The following PDLIM5 variants were observed in gnomAD, a reference collection of about 807,000 sequenced individuals.
PDLIM5 encodes PDZ and LIM domain protein 5.
In PDLIM5, 34 loss-of-function variants were observed where a neutral mutation model predicts 64.2. The observed-to-expected ratio is 0.53, with a 90% CI of 0.40 to 0.71. PDLIM5 has a LOEUF of 0.71. PDLIM5 is among the 30% of genes least tolerant of loss of function. PDLIM5 has a pLI of 0.00. For synonymous variants in PDLIM5, 253 were observed against 269.1 expected, an observed-to-expected ratio of 0.94 and a Z score of 0.59; for missense variants, 683 against 733.6, an observed-to-expected ratio of 0.93 and a Z score of 0.80.
intron 2 of PDLIM5, among the ~76,000 whole-genome samples, chr4:94,506,676 G>A (rs1728423511): frequency 6.6e-6 from 1 of 152,168 alleles, no homozygotes; most frequent in South Asian, 2.1e-4. Context: ...TCAGAACATA[G>A]CATTCTGTCC....
chr4:94,519,023 C>G lies in PDLIM5; in HGVS notation c.97-4701C>G, dbSNP rs568587561. Among the ~76,000 whole-genome samples, 20 of 152,288 alleles carry G rather than the reference C, an allele frequency of 1.3e-4. No individual in the cohort carries two copies. In the East Asian group the frequency reaches 1.7e-3, roughly 13 times the overall value. The stretch of plus-strand genomic sequence containing the variant: ...AACTGTCCTGAGAAGTGACAAGAGG[C>G]CACCATTCTTTAGGAATCGATTTTG... On this transcript the variant is annotated intron_variant, in intron 2 of 12. Coordinates refer to ENST00000317968, the MANE Select transcript of PDLIM5 (RefSeq NM_006457.5).
In PDLIM5 at chr4:94,455,922, A is replaced by G. The variant is rs921809423; in HGVS notation, c.96+538A>G. 58 of 1,468,658 alleles carry G rather than the reference A, an allele frequency of 3.9e-5. 1 individual carries two copies. In the African/African-American group the frequency reaches 6.0e-4, roughly 15 times the overall value. 91.0% of individuals were successfully genotyped at this position (1,468,658 alleles called of 1,614,324 possible). A position where few individuals can be genotyped will look rare whatever the true frequency, so the allele number is the denominator to read the frequency against. On this transcript the variant is annotated intron_variant, in intron 2 of 12. Coordinates refer to ENST00000317968, the MANE Select transcript of PDLIM5 (RefSeq NM_006457.5). ...GGAGCTCCAACTAGATAGCCTATGA[A>G]TAATTGAGATTTGGCTTTTTACCTC...
In PDLIM5 at chr4:94,664,172, A is replaced by G. The variant is rs1326245611; in HGVS notation, c.*105A>G. 4.6e-6 allele frequency: 6 copies of G among 1,302,850 alleles called. No homozygotes were observed. Among genetic ancestry groups the G allele is most frequent in the Admixed American group, 3.3e-5 (1 of 30,440 alleles). The allele number at this position is 1,302,850 out of a possible 1,614,324, so 80.7% of individuals were successfully genotyped here. On this transcript the variant is annotated 3_prime_UTR_variant, in exon 13 of 13. Transcript: ENST00000317968. ...TATTTATATGGAGTTTTGAAAAATA[A>G]TAGTGGCCCTGAAGGAATAAATTCC... is the stretch of plus-strand genomic sequence containing the variant.
At chr4:94,534,627 A>C (rs1033596784) in intron 3 of PDLIM5, among the ~76,000 whole-genome samples, 131 of 152,240 alleles carry the variant, frequency 8.6e-4, no homozygotes, top group Non-Finnish European at 1.2e-3. Flanking sequence ...GCTTTGAAGA[A>C]TGAGGTTAAA....
In PDLIM5 at chr4:94,473,698, G is replaced by A. The variant is rs149417347; in HGVS notation, c.96+18314G>A. Among the ~76,000 whole-genome samples the A allele has an allele frequency of 6.0e-3, 908 of 152,290 alleles. 8 individuals are homozygous for A. Among genetic ancestry groups the A allele is most frequent in the African/African-American group, 0.02 (849 of 41,552 alleles). ...ATAGTGGGTGTTTTGTTTGTTTTTG[G>A]TAAGCAGTAAATATTTTCTCTCAAG... On this transcript the variant is annotated intron_variant, in intron 2 of 12. Coordinates refer to ENST00000317968, the MANE Select transcript of PDLIM5 (RefSeq NM_006457.5).
intron 2 of PDLIM5, among the ~76,000 whole-genome samples, chr4:94,495,382 G>C (rs1473596834): frequency 6.6e-6 from 1 of 152,048 alleles, no homozygotes; most frequent in African/African-American, 2.4e-5. Flanking sequence ...AAATTGTAAA[G>C]TATCCTGTTA....
chr4:94,612,502 A>G (rs1738453111), intron 7 of PDLIM5, among the ~76,000 whole-genome samples: 1 of 152,192 alleles, frequency 6.6e-6, no homozygotes, highest in African/African-American at 2.4e-5. Context: ...AGGACCCGGT[A>G]AGAGCTATAG....
chr4:94,665,393 A>G lies in PDLIM5; in HGVS notation c.*1326A>G. ...TGTACTTGGGAGGCTGAGGCAGGAAAATTCTTGAACCCAGGAGACGGAAGT... is the reference window on the plus strand; with the variant it reads ...TGTACTTGGGAGGCTGAGGCAGGAAGATTCTTGAACCCAGGAGACGGAAGT... On this transcript the variant is annotated 3_prime_UTR_variant, in exon 13 of 13. Transcript: ENST00000317968. 2.7e-6 allele frequency: 1 copy of G among 374,706 alleles called. No individual in the cohort carries two copies. Among genetic ancestry groups the G allele is most frequent in the Non-Finnish European group, 3.7e-6 (1 of 271,738 alleles). The allele number at this position is 374,706 out of a possible 1,614,324, so 23.2% of individuals were successfully genotyped here.
chr4:94,552,938 C>T (rs566939354), intron 3 of PDLIM5, among the ~76,000 whole-genome samples: 2 of 152,160 alleles, frequency 1.3e-5, no homozygotes, highest in South Asian at 4.1e-4. Context: ...ATTAGTGCAT[C>T]TGAAGCAGGA....
At chr4:94,600,552 C>G (rs1438328946) in intron 7 of PDLIM5, among the ~76,000 whole-genome samples, 1 of 152,166 alleles carries the variant, frequency 6.6e-6, no homozygotes, top group Non-Finnish European at 1.5e-5. Flanking sequence ...CTGAAAAATA[C>G]CTTTATTGTT....
chr4:94,566,551 T>G (rs539587319), intron 3 of PDLIM5, among the ~76,000 whole-genome samples: 3 of 152,316 alleles, frequency 2.0e-5, no homozygotes, highest in Non-Finnish European at 4.4e-5. Flanking sequence ...GTTACATACA[T>G]TACCTCATTG....
intron 5 of PDLIM5, chr4:94,584,511 C>G (rs1477323183): frequency 6.5e-6 from 1 of 153,148 alleles, no homozygotes; most frequent in Non-Finnish European, 1.5e-5. Flanking sequence ...TAGAGCCAAG[C>G]TTTAAATTCT....
At chr4:94,466,492 G>T (rs1724376788) in intron 2 of PDLIM5, among the ~76,000 whole-genome samples, 1 of 152,268 alleles carries the variant, frequency 6.6e-6, no homozygotes, top group East Asian at 1.9e-4. Flanking sequence ...ATGCTTTCTA[G>T]ATGTTTCACC....
rs938384746 is a variant in PDLIM5 at position 94,451,958 on chromosome 4, C to T, written c.-80C>T. On this transcript the variant is annotated 5_prime_UTR_variant, in exon 1 of 13. Transcript: ENST00000317968. ...CCGCGAGTCACTTGTCAGCCCTTGT[C>T]TGAGGCGGAGGCAGCCCCGCGCCGC... The T allele has an allele frequency of 1.3e-5, 2 of 152,292 alleles. No individual in the cohort carries two copies. The highest frequency in any genetic ancestry group is 1.9e-4 in the East Asian group (1 of 5,158). 9.4% of individuals were successfully genotyped at this position (152,292 alleles called of 1,614,324 possible).
At chr4:94,556,033 C>T (rs1402693196) in intron 3 of PDLIM5, among the ~76,000 whole-genome samples, 2 of 151,642 alleles carry the variant, frequency 1.3e-5, no homozygotes, top group Admixed American at 6.6e-5. Flanking sequence ...TTAGGTATAT[C>T]TCCTAATGCT....
intron 2 of PDLIM5, among the ~76,000 whole-genome samples, chr4:94,515,590 C>A (rs548190023): frequency 2.0e-5 from 3 of 152,118 alleles, no homozygotes; most frequent in Non-Finnish European, 2.9e-5. Flanking sequence ...TTCATTAAAT[C>A]GTAAGTTCCT....
chr4:94,558,541 T>C (rs768160710), intron 3 of PDLIM5, among the ~76,000 whole-genome samples: 49 of 152,210 alleles, frequency 3.2e-4, no homozygotes, highest in Non-Finnish European at 5.4e-4. Flanking sequence ...TGAGGTATCC[T>C]AAGGTGGTGT....
intron 8 of PDLIM5, among the ~76,000 whole-genome samples, chr4:94,627,631 T>A (rs1221972049): frequency 6.6e-6 from 1 of 152,242 alleles, no homozygotes; most frequent in African/African-American, 2.4e-5. Context: ...GTTTACGTAT[T>A]GTTTATGGCT....
chr4:94,573,283 A>G (rs1734958473), intron 3 of PDLIM5, 68 bp from the exon 4 acceptor site: 1 of 1,224,346 alleles, frequency 8.2e-7, no homozygotes. Flanking sequence ...TAAAAATTCC[A>G]TTAAGAAGTC....
Sources: gnomAD v4.1 joint callset for allele counts (sites outside exome capture counted in the v4.1 genomes callset) on GRCh38, gnomAD v4.1.1 for gene constraint, MANE v1.5 for transcripts, NCBI Gene and HGNC (gene_info 2026-07-23, HGNC 2026-07-21) for gene names.